Variants in MYRIP observed in about 807,000 individuals in gnomAD.
The protein encoded by MYRIP is rab effector MyRIP.
A neutral mutation model predicts 98.0 loss-of-function variants in MYRIP; 49 were observed. The observed-to-expected ratio is 0.50, with a 90% CI of 0.40 to 0.63. MYRIP has a LOEUF of 0.63. Among genes scored for constraint, MYRIP ranks in the 30% least tolerant of loss-of-function variants. The pLI is 0.00. For missense variants in MYRIP, 1,004 were observed against 1,058.2 expected (o/e 0.95, Z 0.71); for synonymous variants, 404 against 409.5 (o/e 0.99, Z 0.16).
intron 9 of MYRIP, among the ~76,000 whole-genome samples, chr3:40,188,458 T>C (rs1478071611): frequency 1.4e-5 from 2 of 145,126 alleles, no homozygotes; most frequent in East Asian, 4.0e-4. Flanking sequence ...CAGGCAACCC[T>C]GCAACAGTCC....
At chr3:39,884,354 T>G (rs1943233785) in intron 1 of MYRIP, among the ~76,000 whole-genome samples, 1 of 152,124 alleles carries the variant, frequency 6.6e-6, no homozygotes, top group African/African-American at 2.4e-5. Context: ...GTTAATGTTT[T>G]GTGTTAAGTT....
At chr3:40,223,897 G>A (rs1952413011) in intron 11 of MYRIP, among the ~76,000 whole-genome samples, 1 of 152,176 alleles carries the variant, frequency 6.6e-6, no homozygotes, top group Admixed American at 6.5e-5. Context: ...ATGACGTAGG[G>A]CAGAGGGCAG....
At chr3:40,248,319 T>A (rs1246292295) in intron 13 of MYRIP, 2 of 152,222 alleles carry the variant, frequency 1.3e-5, no homozygotes, top group African/African-American at 4.8e-5. Flanking sequence ...GGAGAAAGCT[T>A]CTCTTAACTC....
intron 2 of MYRIP, among the ~76,000 whole-genome samples, chr3:39,916,147 GAT>G (rs1049427100): frequency 2.6e-5 from 4 of 151,980 alleles, no homozygotes; most frequent in African/African-American, 9.7e-5. Context: ...ACTTAGAACT[GAT>G]ATGTCTAAAG....
intron 12 of MYRIP, among the ~76,000 whole-genome samples, chr3:40,240,389 T>C (rs1202574058): frequency 6.6e-6 from 1 of 152,184 alleles, no homozygotes; most frequent in African/African-American, 2.4e-5. Flanking sequence ...ACCGGGTTCA[T>C]CTCACTAGGG....
rs1559549156 is a variant in MYRIP, at chr3:39,986,455, C to CT, written c.111-57595_111-57594insT. Among the ~76,000 whole-genome samples, 609 of 127,008 alleles carry CT rather than the reference C, an allele frequency of 4.8e-3. 5 individuals carry two copies. The highest frequency in any genetic ancestry group is 0.023 in the African/African-American group (554 of 24,556). 83.3% of individuals were successfully genotyped at this position (127,008 alleles called of 152,430 possible). Reference sequence around the variant, plus strand: ...GTCTCTTTCTCTCCCTCTCTCTCTCCCTCTCTCTCTCTCTCTGTCTCTTTC... The same window carrying CT: ...GTCTCTTTCTCTCCCTCTCTCTCTCCTCTCTCTCTCTCTCTCTGTCTCTTTC... On this transcript the variant is annotated intron_variant, in intron 2 of 16. Transcript: ENST00000302541.
chr3:40,209,791 GA>G, intron 10 of MYRIP, 62 bp from the exon 11 acceptor site: 1 of 1,595,448 alleles, frequency 6.3e-7, no homozygotes, highest in African/African-American at 1.3e-5. Flanking sequence ...GGGTTATTGG[GA>G]ACAAGAAGCA....
intron 3 of MYRIP, among the ~76,000 whole-genome samples, chr3:40,122,404 T>C (rs1393429502): frequency 2.6e-5 from 4 of 151,442 alleles, no homozygotes; most frequent in Non-Finnish European, 5.9e-5. Context: ...TTATTTTTAA[T>C]AAATATTATA....
chr3:40,176,164 C>A (rs1303930600), intron 8 of MYRIP, among the ~76,000 whole-genome samples: 2 of 152,224 alleles, frequency 1.3e-5, no homozygotes, highest in African/African-American at 4.8e-5. Flanking sequence ...AAAATGAGAT[C>A]AGTAGCTCAG....
At chr3:40,197,420 G>A (rs1380657472) in intron 10 of MYRIP, among the ~76,000 whole-genome samples, 3 of 152,100 alleles carry the variant, frequency 2.0e-5, no homozygotes, top group South Asian at 4.1e-4. Context: ...AACATAAACC[G>A]CTGAACACAC....
At position 39,955,573 on chromosome 3, in the gene MYRIP, A is replaced by C. The variant is rs1221502608; in HGVS notation, c.110+54647A>C. Reference sequence around the variant, plus strand: ...AACCGGTACCAGCCACTGCAAAAACATGTCAAATTATAAAGACCATTGATG... The same window carrying C: ...AACCGGTACCAGCCACTGCAAAAACCTGTCAAATTATAAAGACCATTGATG... On this transcript the variant is annotated intron_variant, in intron 2 of 16. Transcript: ENST00000302541. 2.0e-5 allele frequency among the ~76,000 whole-genome samples: 3 copies of C among 152,330 alleles called. No individual in the cohort carries two copies. In the East Asian group the frequency reaches 5.8e-4, roughly 29 times the overall value.
intron 3 of MYRIP, among the ~76,000 whole-genome samples, chr3:40,057,867 C>A (rs1947915866): frequency 6.6e-6 from 1 of 152,092 alleles, no homozygotes; most frequent in Admixed American, 6.6e-5. Flanking sequence ...CACTTATTTG[C>A]TGGGTGATGG....
chr3:39,859,235 A>T (rs1404673868), intron 1 of MYRIP, among the ~76,000 whole-genome samples: 1 of 152,110 alleles, frequency 6.6e-6, no homozygotes, highest in East Asian at 1.9e-4. Context: ...GATCATAAGA[A>T]AGCACTGTAA....
intron 2 of MYRIP, among the ~76,000 whole-genome samples, chr3:39,904,028 A>C (rs958710368): frequency 6.6e-6 from 1 of 152,198 alleles, no homozygotes. Context: ...TATTTCTGAG[A>C]TAATTCAGAA....
At chr3:40,023,611 C>G (rs759496378) in intron 2 of MYRIP, among the ~76,000 whole-genome samples, 1 of 152,096 alleles carries the variant, frequency 6.6e-6, no homozygotes, top group Non-Finnish European at 1.5e-5. Flanking sequence ...AATGTAAAGC[C>G]GAAAAATGAC....
At chr3:39,902,536 G>A (rs754257452) in intron 2 of MYRIP, among the ~76,000 whole-genome samples, 29 of 152,312 alleles carry the variant, frequency 1.9e-4, no homozygotes, top group African/African-American at 6.5e-4. Context: ...CTGGCACACC[G>A]TGGGTGTGCC....
rs1464542978 is a variant in MYRIP at position 40,192,342 on chromosome 3, T to A, written c.1665+1879T>A. ...TATATATATGTCATATATATATATG[T>A]CATATATATATTTATATTTATTTAA... On this transcript the variant is annotated intron_variant, in intron 10 of 16. Coordinates refer to ENST00000302541, the MANE Select transcript of MYRIP (RefSeq NM_015460.4). Among the ~76,000 whole-genome samples the A allele has an allele frequency of 3.8e-4, 24 of 63,832 alleles. 2 individuals are homozygous for A. Among genetic ancestry groups the A allele is most frequent in the Admixed American group, 8.4e-4 (5 of 5,968 alleles). The allele number at this position is 63,832 out of a possible 152,430, so 41.9% of individuals were successfully genotyped here.
chr3:39,972,951 AAAT>A (rs781646794), intron 2 of MYRIP, among the ~76,000 whole-genome samples: 16 of 152,150 alleles, frequency 1.1e-4, no homozygotes, highest in Middle Eastern at 3.4e-3. Context: ...TTGGAAGTAG[AAAT>A]AATAAAATGC....
chr3:40,105,267 T>C (rs1949030869), intron 3 of MYRIP, among the ~76,000 whole-genome samples: 1 of 152,254 alleles, frequency 6.6e-6, no homozygotes, highest in Non-Finnish European at 1.5e-5. Flanking sequence ...TAAATTGTGG[T>C]TAATATTTTT....
Sources: allele counts gnomAD v4.1 joint callset (sites outside exome capture counted in the v4.1 genomes callset), GRCh38; gene constraint gnomAD v4.1.1; transcripts MANE v1.5; gene names NCBI Gene and HGNC (gene_info 2026-07-23, HGNC 2026-07-21).